The following HERC1 variants were observed in gnomAD, a reference collection of about 807,000 sequenced individuals.
The protein encoded by HERC1 is HECT and RLD domain containing E3 ubiquitin protein ligase family member 1.
In HERC1, 160 loss-of-function variants were observed where a neutral mutation model predicts 554.3. The ratio of observed to expected loss-of-function variants is 0.29; its 90% CI spans 0.25 to 0.33. The LOEUF (loss-of-function observed/expected upper bound fraction) is 0.33, where lower values mean the gene tolerates loss of function less well. Among genes scored for constraint, HERC1 ranks in the 10% least tolerant of loss-of-function variants. The pLI is 1.00. For missense variants in HERC1, 4,919 were observed against 5,918.5 expected (o/e 0.83, Z 5.54); for synonymous variants, 2,175 against 2,131.7 (o/e 1.02, Z -0.56).
intron 37 of HERC1, among the ~76,000 whole-genome samples, chr15:63,676,398 T>C (rs1595948831): frequency 6.6e-6 from 1 of 152,192 alleles, no homozygotes; most frequent in Admixed American, 6.5e-5. Flanking sequence ...TTGGCTAAGA[T>C]GATCCATAGC....
intron 1 of HERC1, among the ~76,000 whole-genome samples, chr15:63,814,720 C>T (rs562285347): frequency 1.6e-4 from 25 of 152,238 alleles, no homozygotes; most frequent in African/African-American, 6.0e-4. Flanking sequence ...CTGCCCGCCT[C>T]GGCCTCCCAA....
chr15:63,638,999 T>C (rs549333670), intron 61 of HERC1, among the ~76,000 whole-genome samples: 2 of 152,342 alleles, frequency 1.3e-5, no homozygotes, highest in Non-Finnish European at 2.9e-5. Flanking sequence ...CACTATGGCA[T>C]TGGTGATTCA....
At chr15:63,779,993 A>G (rs1398364157) in intron 1 of HERC1, 1 of 140,216 alleles carries the variant, frequency 7.1e-6, no homozygotes, top group East Asian at 2.0e-4. Flanking sequence ...CAGCCTGGCG[A>G]CAGAGGGAGA....
At chr15:63,696,396 CTG>C in intron 26 of HERC1, 57 bp from the exon 27 acceptor site, 1 of 1,229,646 alleles carries the variant, frequency 8.1e-7, no homozygotes, top group Middle Eastern at 1.9e-4. Context: ...TGATGAAACT[CTG>C]TATGCCAAAA....
intron 26 of HERC1, among the ~76,000 whole-genome samples, chr15:63,697,670 G>A (rs1157818059): frequency 6.6e-6 from 1 of 152,096 alleles, no homozygotes; most frequent in Non-Finnish European, 1.5e-5. Flanking sequence ...GGTGAGGCTG[G>A]TTTCAAACTC....
chr15:63,650,369 G>A (rs754768655), intron 53 of HERC1, among the ~76,000 whole-genome samples: 10 of 151,802 alleles, frequency 6.6e-5, no homozygotes, highest in African/African-American at 9.7e-5. Flanking sequence ...GCAAGACTCC[G>A]TCTCAAAATA....
intron 1 of HERC1, among the ~76,000 whole-genome samples, chr15:63,819,798 G>A (rs1017658436): frequency 1.3e-5 from 2 of 152,036 alleles, no homozygotes; most frequent in African/African-American, 2.4e-5. Flanking sequence ...CTCTGCCCCC[G>A]CTAGTCTCCA....
intron 12 of HERC1, among the ~76,000 whole-genome samples, chr15:63,739,688 C>T (rs1263358909): frequency 6.6e-6 from 1 of 151,826 alleles, no homozygotes; most frequent in Non-Finnish European, 1.5e-5. Flanking sequence ...AAAATACAAA[C>T]ACTAGCTGGG....
chr15:63,811,665 C>T (rs746977703), intron 1 of HERC1, among the ~76,000 whole-genome samples: 2 of 151,860 alleles, frequency 1.3e-5, no homozygotes, highest in African/African-American at 2.4e-5. Context: ...CAAAATTAGC[C>T]GGGTGTGGTG....
chr15:63,656,062 G>T, intron 49 of HERC1, 26 bp downstream of exon 49: 2 of 1,606,310 alleles, frequency 1.2e-6, no homozygotes, highest in South Asian at 1.1e-5. Flanking sequence ...TCAATGTAAC[G>T]GGGAAAAGTA....
intron 2 of HERC1, among the ~76,000 whole-genome samples, chr15:63,770,537 G>A (rs1206820766): frequency 6.6e-6 from 1 of 152,120 alleles, no homozygotes; most frequent in Non-Finnish European, 1.5e-5. Context: ...CGTACATATG[G>A]TTATTTTTTA....
chr15:63,804,023 G>A (rs1037100867), intron 1 of HERC1, among the ~76,000 whole-genome samples: 59 of 152,186 alleles, frequency 3.9e-4, no homozygotes, highest in Non-Finnish European at 3.8e-4. Context: ...TGTCAAGGCA[G>A]TTTAATAGGA....
rs1241542795 is a variant in HERC1, at chr15:63,758,111, A to T, written c.1221+64T>A. 8.6e-7 allele frequency: 1 copy of T among 1,160,938 alleles called. No individual in the cohort carries two copies. Among genetic ancestry groups the T allele is most frequent in the East Asian group, 2.4e-5 (1 of 42,236 alleles). 71.9% of individuals were successfully genotyped at this position (1,160,938 alleles called of 1,614,324 possible). A position where few individuals can be genotyped will look rare whatever the true frequency, so the allele number is the denominator to read the frequency against. On this transcript the variant is annotated intron_variant, in intron 4 of 77. Coordinates refer to ENST00000443617, the MANE Select transcript of HERC1 (RefSeq NM_003922.4). The surrounding 1 kb of genome is among the most constrained non-coding windows in gnomAD (Gnocchi z 4.0). ...TTTAAAAAATACTCAGTATTATTTA[A>T]TGCAAATAAGCATGAATATACACCA... is the stretch of plus-strand genomic sequence containing the variant.
Position 63,659,674 on chromosome 15 carries a change from T to C in HERC1, c.9424+62A>G, listed in dbSNP as rs1053336404. The C allele has an allele frequency of 7.1e-6, 8 of 1,124,886 alleles. No homozygotes were observed. In the African/African-American group the frequency reaches 7.8e-5, roughly 11 times the overall value. 69.7% of individuals were successfully genotyped at this position (1,124,886 alleles called of 1,614,324 possible). A position where few individuals can be genotyped will look rare whatever the true frequency, so the allele number is the denominator to read the frequency against. ...TTTTACTTTATTATTATTATTTACC[T>C]ATCTAAGAAACAAATTATAGTAGAT... is the stretch of plus-strand genomic sequence containing the variant. On this transcript the variant is annotated intron_variant, in intron 47 of 77. Coordinates refer to ENST00000443617, the MANE Select transcript of HERC1 (RefSeq NM_003922.4).
rs751013810 is a variant in HERC1, at chr15:63,749,787, T to C, written c.1907A>G (p.Tyr636Cys). Residue 636 changes from tyrosine (Y) to cysteine (C), a missense_variant, in exon 9 of 78, where the codon TAT becomes TGT. This residue lies in a region of HERC1 where 744 missense variants were observed against 1,090.0 expected (regional missense o/e 0.68). Transcript: ENST00000443617. The surrounding 1 kb of genome is among the most constrained non-coding windows in gnomAD (Gnocchi z 4.1). Reference protein sequence around the residue: ...SLALTSTGQVYAWGCGACLGC... With the variant: ...SLALTSTGQVCAWGCGACLGC... ...TAGACAAGCTCCACAGCCCCAAGCA[T>C]AGACCTGAAAAAAACAGAAATACGT... is the stretch of plus-strand genomic sequence containing the variant. 4.2e-5 allele frequency: 66 copies of C among 1,554,082 alleles called. No homozygotes were observed. The Admixed American group carries it at 4.5e-4, about 11-fold the overall frequency.
At chr15:63,684,736 G>A (rs536843616) in intron 34 of HERC1, among the ~76,000 whole-genome samples, 7 of 152,238 alleles carry the variant, frequency 4.6e-5, no homozygotes, top group South Asian at 2.1e-4. Flanking sequence ...GGCCAGGCGC[G>A]GTGGCTCACA....
intron 40 of HERC1, among the ~76,000 whole-genome samples, chr15:63,666,806 G>C (rs2070666390): frequency 6.6e-6 from 1 of 152,070 alleles, no homozygotes. Flanking sequence ...AGTCATTTGT[G>C]ACATATGCAG....
intron 57 of HERC1, 103 bp from the exon 58 acceptor site, chr15:63,643,653 G>A (rs2069178400): frequency 8.5e-6 from 7 of 827,036 alleles, no homozygotes; most frequent in Non-Finnish European, 1.3e-5. Context: ...AATAAAATTG[G>A]CAAGGGGGAG....
In HERC1 at chr15:63,680,765, C is replaced by G; in HGVS notation, c.6237G>C (p.Val2079=). Residue 2079 remains valine (V), a synonymous_variant, in exon 35 of 78, where the codon GTG becomes GTC. Transcript: ENST00000443617. This position sits in a 1 kb window ranked among gnomAD's most constrained non-coding sequence, Gnocchi z 5.8. ...SGCYQWKFYI[V]KENRGNEGTC... is the part of the protein sequence containing the mutation. ...TGCCTTCATTACCTCTGTTTTCCTT[C>G]ACAATATAAAACTAAAATAAAAGTG... 2 of 1,610,474 alleles carry G rather than the reference C, an allele frequency of 1.2e-6. No homozygotes were observed. Among genetic ancestry groups the G allele is most frequent in the Non-Finnish European group, 1.7e-6 (2 of 1,176,792 alleles).
Sources: allele counts gnomAD v4.1 joint callset (sites outside exome capture counted in the v4.1 genomes callset), GRCh38; gene constraint gnomAD v4.1.1; regional missense constraint gnomAD v4.1.1; non-coding constraint Gnocchi (gnomAD v3.1); transcripts MANE v1.5; gene names NCBI Gene and HGNC (gene_info 2026-07-23, HGNC 2026-07-21).